FOXP1: variants seen among roughly 807,000 people sequenced by gnomAD.
The protein encoded by FOXP1 is forkhead box P1.
Under a neutral mutation model 98.2 loss-of-function variants are expected in FOXP1, and 15 were observed. The ratio of observed to expected loss-of-function variants is 0.15; its 90% CI spans 0.10 to 0.24. The LOEUF (loss-of-function observed/expected upper bound fraction) is 0.24, where lower values mean the gene tolerates loss of function less well. Ranked by LOEUF, FOXP1 falls within the 10% of genes least tolerant of loss-of-function variation. The pLI is 1.00. For missense variants in FOXP1, 633 were observed against 848.5 expected (o/e 0.75, Z 3.15); for synonymous variants, 371 against 314.5 (o/e 1.18, Z -1.90).
intron 4 of FOXP1, among the ~76,000 whole-genome samples, chr3:71,352,964 A>C (rs1016168842): frequency 1.3e-5 from 2 of 152,182 alleles, no homozygotes; most frequent in African/African-American, 2.4e-5. Flanking sequence ...AGGTTTAGGA[A>C]GTGAGTCAGG....
chr3:71,553,232 T>C (rs1392594392), intron 2 of FOXP1, among the ~76,000 whole-genome samples: 4 of 152,118 alleles, frequency 2.6e-5, no homozygotes, highest in Non-Finnish European at 4.4e-5. Context: ...AAATATTTTA[T>C]AGGTCATCAT....
At chr3:71,493,903 T>C (rs1178469198) in intron 2 of FOXP1, among the ~76,000 whole-genome samples, 2 of 152,184 alleles carry the variant, frequency 1.3e-5, no homozygotes, top group Admixed American at 1.3e-4. Context: ...CAGATAAATG[T>C]ACCATTCCCT....
At chr3:70,968,920 T>C (rs1035113855) in intron 19 of FOXP1, 9 of 152,176 alleles carry the variant, frequency 5.9e-5, no homozygotes, top group African/African-American at 1.9e-4. Context: ...ACTTCTCAAA[T>C]CATGAATTTG....
intron 6 of FOXP1, among the ~76,000 whole-genome samples, chr3:71,192,580 A>C (rs1034735258): frequency 2.6e-5 from 4 of 152,256 alleles, no homozygotes; most frequent in African/African-American, 9.6e-5. Context: ...AATTTCACTA[A>C]CAAAAACTAA....
At chr3:71,012,606 C>T (rs1476498160) in intron 12 of FOXP1, among the ~76,000 whole-genome samples, 1 of 152,044 alleles carries the variant, frequency 6.6e-6, no homozygotes, top group Non-Finnish European at 1.5e-5. Flanking sequence ...ATTCATTAAC[C>T]AAAAATTTAT....
intron 3 of FOXP1, among the ~76,000 whole-genome samples, chr3:71,382,202 G>C (rs1487972643): frequency 1.3e-5 from 2 of 152,054 alleles, no homozygotes; most frequent in East Asian, 3.9e-4. Context: ...TTGAGCCCAG[G>C]AGGTAGAGGC....
At chr3:71,333,336 A>T (rs1188972315) in intron 4 of FOXP1, 2 of 152,182 alleles carry the variant, frequency 1.3e-5, no homozygotes, top group Non-Finnish European at 2.9e-5. Flanking sequence ...GTTCAGAAAA[A>T]TCACTTTCAC....
chr3:70,966,795 G>A (rs1245882872), intron 19 of FOXP1, among the ~76,000 whole-genome samples: 3 of 152,158 alleles, frequency 2.0e-5, no homozygotes, highest in Non-Finnish European at 4.4e-5. Context: ...CTCCACGTGA[G>A]TGTCAGCAAA....
At chr3:70,985,419 T>C (rs549733066) in intron 14 of FOXP1, among the ~76,000 whole-genome samples, 1 of 152,282 alleles carries the variant, frequency 6.6e-6, no homozygotes, top group Non-Finnish European at 1.5e-5. Flanking sequence ...TGAAAATTTA[T>C]GCAAAACATT....
chr3:71,449,147 A>G (rs1301778898), intron 3 of FOXP1, among the ~76,000 whole-genome samples: 1 of 152,206 alleles, frequency 6.6e-6, no homozygotes, highest in Non-Finnish European at 1.5e-5. Context: ...CAGGGTAGAA[A>G]TATAGAAAGA....
rs566591062 is a variant in FOXP1, at chr3:71,581,456, C to A, written c.-298+93G>T. 2.6e-3 allele frequency: 2,527 copies of A among 985,488 alleles called. 9 individuals are homozygous for A. Among genetic ancestry groups the A allele is most frequent in the Non-Finnish European group, 2.9e-3 (2,384 of 829,988 alleles). 61.0% of individuals were successfully genotyped at this position (985,488 alleles called of 1,614,324 possible). Reference sequence around the variant, plus strand: ...GTGCCTTATCGCTAGGCTCGCGCCACCCCGGCTGGCTCTTTGGGGACGGAG... The same window carrying A: ...GTGCCTTATCGCTAGGCTCGCGCCAACCCGGCTGGCTCTTTGGGGACGGAG... On this transcript the variant is annotated intron_variant, in intron 2 of 20. Transcript: ENST00000649528.
intron 4 of FOXP1, among the ~76,000 whole-genome samples, chr3:71,312,221 T>A (rs1251888801): frequency 6.6e-6 from 1 of 152,208 alleles, no homozygotes; most frequent in East Asian, 1.9e-4. Context: ...CAAGAACGGC[T>A]GAACAAGGCA....
At chr3:71,230,556 A>G (rs1434852269) in intron 5 of FOXP1, among the ~76,000 whole-genome samples, 1 of 152,212 alleles carries the variant, frequency 6.6e-6, no homozygotes, top group African/African-American at 2.4e-5. Flanking sequence ...ACTACCATCC[A>G]AAAAAGAATA....
At chr3:70,984,328 A>G (rs1005043681) in intron 14 of FOXP1, among the ~76,000 whole-genome samples, 1 of 152,208 alleles carries the variant, frequency 6.6e-6, no homozygotes, top group Non-Finnish European at 1.5e-5. Flanking sequence ...ACCTAAGGAA[A>G]GGTTCACAAG....
intron 6 of FOXP1, among the ~76,000 whole-genome samples, chr3:71,183,241 C>A (rs1427007859): frequency 6.6e-6 from 1 of 152,056 alleles, no homozygotes; most frequent in Non-Finnish European, 1.5e-5. Context: ...TGCCTGTAAT[C>A]CCAGCACTTT....
intron 12 of FOXP1, among the ~76,000 whole-genome samples, chr3:71,011,001 A>C (rs1359362221): frequency 1.3e-5 from 2 of 152,158 alleles, no homozygotes; most frequent in African/African-American, 4.8e-5. Context: ...ATGTGAATCT[A>C]CAAGAAGACT....
At position 71,416,728 on chromosome 3, in the gene FOXP1, C is replaced by T. The variant is rs542921906; in HGVS notation, c.-167-57484G>A. Among the ~76,000 whole-genome samples the T allele has an allele frequency of 9.3e-5, 14 of 151,318 alleles. No homozygotes were observed. The East Asian group carries it at 2.7e-3, about 30-fold the overall frequency. On this transcript the variant is annotated intron_variant, in intron 3 of 20. Coordinates refer to ENST00000649528, the MANE Select transcript of FOXP1 (RefSeq NM_001349338.3). ...AGAGGAGAGGGAGGCATATTACAGG[C>T]AGAAGGAACTGCATATGCAAAGACC...
intron 2 of FOXP1, among the ~76,000 whole-genome samples, chr3:71,568,095 A>C (rs950899985): frequency 1.7e-3 from 253 of 149,742 alleles, no homozygotes; most frequent in African/African-American, 5.9e-3. Context: ...GAAATTAAAA[A>C]AAGAAAGAAA....
At chr3:71,024,520 T>C (rs2045864682) in intron 11 of FOXP1, among the ~76,000 whole-genome samples, 1 of 152,208 alleles carries the variant, frequency 6.6e-6, no homozygotes, top group Admixed American at 6.5e-5. Flanking sequence ...GATGGAGTTC[T>C]CTACAAACTG....
Sources: gnomAD v4.1 joint callset for allele counts (sites outside exome capture counted in the v4.1 genomes callset) on GRCh38, gnomAD v4.1.1 for gene constraint, MANE v1.5 for transcripts, NCBI Gene and HGNC (gene_info 2026-07-23, HGNC 2026-07-21) for gene names.